Variants in FYB1 observed in about 807,000 individuals in gnomAD.
The protein encoded by FYB1 is FYN binding protein 1, also known as FYN-binding protein 1.
FYB1 carries 41 observed loss-of-function variants against 94.1 expected under a neutral mutation model. The observed-to-expected ratio is 0.44, with a 90% CI of 0.34 to 0.57. The LOEUF (loss-of-function observed/expected upper bound fraction) is 0.57. FYB1 is among the 20% of genes least tolerant of loss of function. The pLI is 0.02. For missense variants in FYB1, 1,050 were observed against 976.8 expected, an observed-to-expected ratio of 1.07 and a Z score of -1.00; for synonymous variants, 367 against 353.2, an observed-to-expected ratio of 1.04 and a Z score of -0.44.
intron 1 of FYB1, among the ~76,000 whole-genome samples, chr5:39,224,837 C>T (rs748421944): frequency 6.3e-4 from 96 of 152,298 alleles, no homozygotes; most frequent in Non-Finnish European, 4.6e-4. Flanking sequence ...AACCTCTTTC[C>T]TCTAACCTGC....
At chr5:39,211,322 C>CTTT (rs70982549) in intron 1 of FYB1, among the ~76,000 whole-genome samples, 6 of 118,492 alleles carry the variant, frequency 5.1e-5, no homozygotes, top group African/African-American at 1.5e-4. Flanking sequence ...CTTTTCTTTT[C>CTTT]TTTTTTTTTT....
chr5:39,216,749 C>G (rs1388943858), intron 1 of FYB1, among the ~76,000 whole-genome samples: 1 of 152,128 alleles, frequency 6.6e-6, no homozygotes, highest in Non-Finnish European at 1.5e-5. Context: ...TGGGATTATC[C>G]CTGGCTTGGA....
rs1242022083 is a variant in FYB1 at position 39,257,349 on chromosome 5, C to T, written c.-28+17054G>A. Among the ~76,000 whole-genome samples the T allele has an allele frequency of 4.0e-5, 6 of 151,648 alleles. No homozygotes were observed. In the East Asian group the frequency reaches 9.7e-4, roughly 24 times the overall value. On this transcript the variant is annotated intron_variant, in intron 1 of 1. Transcript: ENST00000510188. ...CTAATATGAAAAAAAGAGAAATACCCTTTAAATACTTTTTAAAAAGTCTCT... is the reference window on the plus strand; with the variant it reads ...CTAATATGAAAAAAAGAGAAATACCTTTTAAATACTTTTTAAAAAGTCTCT...
intron 1 of FYB1, among the ~76,000 whole-genome samples, chr5:39,238,692 C>T (rs1243947604): frequency 6.6e-6 from 1 of 152,082 alleles, no homozygotes; most frequent in Non-Finnish European, 1.5e-5. Flanking sequence ...CAAATCAGCA[C>T]AAAATCTGTC....
chr5:39,196,915 G>A (rs1747886901), intron 2 of FYB1, among the ~76,000 whole-genome samples: 1 of 152,182 alleles, frequency 6.6e-6, no homozygotes, highest in Non-Finnish European at 1.5e-5. Context: ...GGCTTGAGAG[G>A]AATAAACGGC....
At chr5:39,170,291 A>G (rs1745132278) in intron 2 of FYB1, 1 of 1,387,454 alleles carries the variant, frequency 7.2e-7, no homozygotes, top group Admixed American at 2.4e-5. Context: ...ACTCAGTTTA[A>G]AAGATCTTCT....
chr5:39,249,609 G>A (rs556513237), intron 1 of FYB1, among the ~76,000 whole-genome samples: 1 of 152,264 alleles, frequency 6.6e-6, no homozygotes, highest in African/African-American at 2.4e-5. Context: ...CTATAATAGT[G>A]AGTCAAAGAG....
chr5:39,219,666 T>A, upstream of FYB1: 1 of 896,808 alleles, frequency 1.1e-6, no homozygotes, highest in Non-Finnish European at 1.3e-6. Context: ...AGTTCTATTA[T>A]GCCCTCAGGA....
chr5:39,182,001 T>C (rs980513488), intron 2 of FYB1, among the ~76,000 whole-genome samples: 4 of 152,182 alleles, frequency 2.6e-5, no homozygotes, highest in African/African-American at 9.7e-5. Flanking sequence ...ATTCATCTTG[T>C]GTAGCTGAAA....
chr5:39,255,194 G>A (rs1317782876), intron 1 of FYB1, among the ~76,000 whole-genome samples: 1 of 152,104 alleles, frequency 6.6e-6, no homozygotes, highest in East Asian at 1.9e-4. Flanking sequence ...ATAAATGGAG[G>A]TATAAACACA....
At chr5:39,210,105 C>T (rs1166699144) in intron 1 of FYB1, among the ~76,000 whole-genome samples, 2 of 152,186 alleles carry the variant, frequency 1.3e-5, no homozygotes, top group African/African-American at 4.8e-5. Context: ...GTAGGAGGAC[C>T]TGGTGGCGGA....
chr5:39,164,754 A>C (rs1744568758), intron 2 of FYB1, among the ~76,000 whole-genome samples: 1 of 152,170 alleles, frequency 6.6e-6, no homozygotes. Flanking sequence ...TTTTTAAGTA[A>C]AGAAAGAGAA....
At position 39,110,729 on chromosome 5, in the gene FYB1, A is replaced by T. The variant is rs979635102; in HGVS notation, c.2402-340T>A. ...TTACCCCCATGATCCAGTTTTAGGA[A>T]GAATTTAGTAAGCATAGATTATAAA... On this transcript the variant is annotated intron_variant, in intron 16 of 18. Transcript: ENST00000512982. 6 of 298,022 alleles carry T rather than the reference A, an allele frequency of 2.0e-5. No homozygotes were observed. In the East Asian group the frequency reaches 4.8e-4, roughly 24 times the overall value. 18.5% of individuals were successfully genotyped at this position (298,022 alleles called of 1,614,324 possible).
intron 1 of FYB1, among the ~76,000 whole-genome samples, chr5:39,249,953 G>A (rs772173506): frequency 2.0e-5 from 3 of 152,130 alleles, no homozygotes; most frequent in Admixed American, 6.5e-5. Context: ...GGATCATGGG[G>A]GTGGTTTCCC....
chr5:39,179,281 G>A (rs1746004522), intron 2 of FYB1, among the ~76,000 whole-genome samples: 1 of 152,156 alleles, frequency 6.6e-6, no homozygotes. Context: ...TGGTCCCAAA[G>A]CTTGCTAACA....
intron 11 of FYB1, among the ~76,000 whole-genome samples, chr5:39,126,591 G>C (rs960920475): frequency 2.1e-4 from 31 of 150,948 alleles, no homozygotes; most frequent in African/African-American, 6.1e-4. Context: ...CAGCTGCTCA[G>C]AGGCTGAGGT....
chr5:39,244,335 A>T (rs1012144656), intron 1 of FYB1, among the ~76,000 whole-genome samples: 1 of 152,164 alleles, frequency 6.6e-6, no homozygotes, highest in African/African-American at 2.4e-5. Context: ...TTATTTATAG[A>T]GAGTTTTCAG....
intron 7 of FYB1, among the ~76,000 whole-genome samples, chr5:39,137,231 CT>C (rs1580357787): frequency 6.6e-6 from 1 of 152,118 alleles, no homozygotes; most frequent in East Asian, 1.9e-4. Flanking sequence ...CAATGCCCCC[CT>C]ATAATACATA....
chr5:39,168,203 C>T (rs767324442), intron 2 of FYB1, among the ~76,000 whole-genome samples: 3 of 151,878 alleles, frequency 2.0e-5, no homozygotes, highest in Non-Finnish European at 4.4e-5. Flanking sequence ...ATTAAAGTGC[C>T]GTAATCAGGA....
Sources: allele counts gnomAD v4.1 joint callset (sites outside exome capture counted in the v4.1 genomes callset), GRCh38; gene constraint gnomAD v4.1.1; transcripts MANE v1.5; gene names NCBI Gene and HGNC (gene_info 2026-07-23, HGNC 2026-07-21).